The following COL19A1 variants were observed in gnomAD, a reference collection of about 807,000 sequenced individuals.
COL19A1 encodes collagen alpha-1(XIX) chain.
A neutral mutation model predicts 190.2 loss-of-function variants in COL19A1; 159 were observed. The observed-to-expected ratio is 0.84, with a 90% confidence interval of 0.73 to 0.95. COL19A1 has a LOEUF of 0.95. Ranked by LOEUF, COL19A1 falls within the 40% of genes least tolerant of loss-of-function variation. The pLI is 0.00. For synonymous variants in COL19A1, 509 were observed against 458.9 expected, an observed-to-expected ratio of 1.11 and a Z score of -1.39; for missense variants, 1,418 against 1,431.9, an observed-to-expected ratio of 0.99 and a Z score of 0.16.
intron 34 of COL19A1, among the ~76,000 whole-genome samples, chr6:70,160,908 A>G (rs74934728): frequency 0.039 from 5,921 of 152,268 alleles, 153 homozygotes; most frequent in Non-Finnish European, 0.06. Context: ...TTTTTAAAAC[A>G]TGATTTTAAT....
intron 14 of COL19A1, among the ~76,000 whole-genome samples, chr6:70,049,868 GTTTAA>G (rs1780107946): frequency 6.6e-6 from 1 of 152,034 alleles, no homozygotes; most frequent in African/African-American, 2.4e-5. Flanking sequence ...ATTAAAATCA[GTTTAA>G]TTCAATTCTA....
At chr6:70,029,632 G>C (rs1440001135) in intron 12 of COL19A1, among the ~76,000 whole-genome samples, 1 of 152,160 alleles carries the variant, frequency 6.6e-6, no homozygotes. Context: ...AAGCATTACT[G>C]ATGTGTTTCT....
chr6:70,151,309 G>A (rs1035186956), intron 30 of COL19A1, 88 bp from the exon 31 acceptor site: 5 of 1,319,122 alleles, frequency 3.8e-6, no homozygotes, highest in African/African-American at 3.0e-5. Context: ...GGCATTTTGA[G>A]GAAAAATGTC....
chr6:70,038,851 TC>T (rs1269720326), intron 14 of COL19A1, among the ~76,000 whole-genome samples: 5 of 152,010 alleles, frequency 3.3e-5, no homozygotes, highest in African/African-American at 1.2e-4. Flanking sequence ...TTCCCATAGA[TC>T]AATGGTTCTC....
chr6:70,076,892 G>A (rs1781915821), intron 15 of COL19A1, among the ~76,000 whole-genome samples: 1 of 152,156 alleles, frequency 6.6e-6, no homozygotes, highest in Non-Finnish European at 1.5e-5. Flanking sequence ...CACTGAACAC[G>A]TTAGTAACTA....
intron 44 of COL19A1, 123 bp downstream of exon 44, chr6:70,180,646 A>G (rs2150285801): frequency 1.0e-6 from 1 of 1,001,404 alleles, no homozygotes; most frequent in Non-Finnish European, 1.5e-6. Context: ...AGAAGAATGC[A>G]CAGATGGATT....
rs542221847 is a variant in COL19A1, at chr6:70,207,064, C to A, written c.3302-83C>A. On this transcript the variant is annotated intron_variant, in intron 50 of 50. Coordinates refer to ENST00000620364, the MANE Select transcript of COL19A1 (RefSeq NM_001858.6). The stretch of plus-strand genomic sequence containing the variant: ...CCCCTAGGGTCCTTATATGTCAAGT[C>A]GAGTGATCCATGTTGGCTAGAGGGT... 3.3e-4 allele frequency: 522 copies of A among 1,600,950 alleles called. 2 individuals carry two copies. The African/African-American group carries it at 6.3e-3, about 19-fold the overall frequency.
chr6:69,884,393 A>G (rs1561961617), intron 2 of COL19A1, among the ~76,000 whole-genome samples: 1 of 152,046 alleles, frequency 6.6e-6, no homozygotes, highest in African/African-American at 2.4e-5. Flanking sequence ...TTAACAAAAG[A>G]TGTGATGTTA....
In COL19A1 at chr6:70,172,103, G is replaced by A. The variant is rs541690793; in HGVS notation, c.2622+86G>A. ...CCTAATGTGCCAAAAACTGTTTTAG[G>A]TTAGGGATATATAAAGGAACAAAAC... On this transcript the variant is annotated intron_variant, in intron 41 of 50. Transcript: ENST00000620364. 1.1e-5 allele frequency: 13 copies of A among 1,222,272 alleles called. No individual in the cohort carries two copies. In the Admixed American group the frequency reaches 1.9e-4, roughly 18 times the overall value. The allele number at this position is 1,222,272 out of a possible 1,614,324, so 75.7% of individuals were successfully genotyped here.
At chr6:70,116,828 TC>T (rs1784607966) in intron 16 of COL19A1, among the ~76,000 whole-genome samples, 1 of 152,194 alleles carries the variant, frequency 6.6e-6, no homozygotes, top group Non-Finnish European at 1.5e-5. Flanking sequence ...TAGTACAACT[TC>T]CTTCACAGAG....
At chr6:69,930,825 AAAAG>A (rs1772714708) in intron 6 of COL19A1, among the ~76,000 whole-genome samples, 1 of 152,138 alleles carries the variant, frequency 6.6e-6, no homozygotes, top group African/African-American at 2.4e-5. Context: ...ACAAACAAAC[AAAAG>A]AATTGATCCC....
intron 14 of COL19A1, 47 bp from the exon 15 acceptor site, chr6:70,068,376 G>C: frequency 9.0e-7 from 1 of 1,115,374 alleles, no homozygotes; most frequent in African/African-American, 1.5e-5. Context: ...TTGTGAGGCA[G>C]GTGTACTTGA....
chr6:70,162,813 C>T (rs1451003869), intron 35 of COL19A1, among the ~76,000 whole-genome samples: 1 of 152,032 alleles, frequency 6.6e-6, no homozygotes, highest in Non-Finnish European at 1.5e-5. Context: ...ACAGAACAAA[C>T]CTGGCTTTAA....
intron 46 of COL19A1, among the ~76,000 whole-genome samples, chr6:70,185,402 A>G (rs1766445944): frequency 6.6e-6 from 1 of 152,124 alleles, no homozygotes; most frequent in African/African-American, 2.4e-5. Context: ...GACATCACCA[A>G]ATGTCTCCTG....
At chr6:69,869,017 T>C (rs972352218) in intron 1 of COL19A1, among the ~76,000 whole-genome samples, 3 of 137,982 alleles carry the variant, frequency 2.2e-5, no homozygotes, top group African/African-American at 8.2e-5. Flanking sequence ...TGCTAATATA[T>C]AACCCTGAAA....
rs375209683 is a variant in COL19A1, at chr6:70,060,606, C to G, written c.1171-7817C>G. On this transcript the variant is annotated intron_variant, in intron 14 of 50. Coordinates refer to ENST00000620364, the MANE Select transcript of COL19A1 (RefSeq NM_001858.6). ...ATTGTGAACTGTGCACATGAGGGAT[C>G]TAGGTTGCGTGCTGCTTATGAGAAT... Among the ~76,000 whole-genome samples the G allele has an allele frequency of 3.9e-5, 6 of 152,188 alleles. No individual in the cohort carries two copies. The East Asian group carries it at 1.2e-3, about 29-fold the overall frequency.
At chr6:70,149,342 C>T (rs763028790) in intron 27 of COL19A1, among the ~76,000 whole-genome samples, 1 of 152,104 alleles carries the variant, frequency 6.6e-6, no homozygotes, top group Non-Finnish European at 1.5e-5. Flanking sequence ...ATAAATGACT[C>T]AAAGTTGAAA....
intron 11 of COL19A1, among the ~76,000 whole-genome samples, chr6:70,007,221 T>A (rs1238222599): frequency 1.3e-5 from 2 of 152,116 alleles, no homozygotes; most frequent in Admixed American, 6.5e-5. Flanking sequence ...TGCACATAGA[T>A]ATTTGCCATA....
At chr6:70,042,252 C>T (rs1268039947) in intron 14 of COL19A1, among the ~76,000 whole-genome samples, 3 of 152,120 alleles carry the variant, frequency 2.0e-5, no homozygotes, top group African/African-American at 7.2e-5. Flanking sequence ...TTAAAAACTA[C>T]TTAGAGATTG....
Sources: allele counts gnomAD v4.1 joint callset (sites outside exome capture counted in the v4.1 genomes callset), GRCh38; gene constraint gnomAD v4.1.1; transcripts MANE v1.5; gene names NCBI Gene and HGNC (gene_info 2026-07-23, HGNC 2026-07-21).